Variants in PRKAR1B observed in about 807,000 individuals in gnomAD.
PRKAR1B encodes cAMP-dependent protein kinase type I-beta regulatory subunit.
Under a neutral mutation model 46.5 loss-of-function variants are expected in PRKAR1B, and 22 were observed. The observed-to-expected ratio is 0.47, with a 90% confidence interval of 0.34 to 0.68. The LOEUF is 0.68. Among genes scored for constraint, PRKAR1B ranks in the 30% least tolerant of loss-of-function variants. The pLI, the probability that PRKAR1B is intolerant of heterozygous loss-of-function variation, is 0.01. For missense variants in PRKAR1B, 445 were observed against 535.6 expected, an observed-to-expected ratio of 0.83 and a Z score of 1.67; for synonymous variants, 259 against 217.7, an observed-to-expected ratio of 1.19 and a Z score of -1.67.
chr7:556,694 T>C (rs1778464113), intron 9 of PRKAR1B, among the ~76,000 whole-genome samples: 1 of 152,310 alleles, frequency 6.6e-6, no homozygotes, highest in East Asian at 1.9e-4. Flanking sequence ...GTTTGGTGCC[T>C]GTGGATCGGG....
At chr7:634,405 C>G (rs888527524) in intron 4 of PRKAR1B, among the ~76,000 whole-genome samples, 5 of 152,092 alleles carry the variant, frequency 3.3e-5, no homozygotes, top group African/African-American at 1.2e-4. Context: ...TTGAGCCCAG[C>G]AGGTTGGGGA....
At chr7:584,479 C>T (rs1429964219) in intron 8 of PRKAR1B, 29 bp downstream of exon 8, 1 of 1,609,154 alleles carries the variant, frequency 6.2e-7, no homozygotes, top group East Asian at 2.2e-5. Context: ...TGTCGGGACA[C>T]ACAGCCGTGC....
rs1781724181 is a variant in PRKAR1B at position 602,913 on chromosome 7, G to C, written c.549+3280C>G. Among the ~76,000 whole-genome samples, 1 of 152,176 alleles carries C rather than the reference G, an allele frequency of 6.6e-6. No homozygotes were observed. Among genetic ancestry groups the C allele is most frequent in the Admixed American group, 6.5e-5 (1 of 15,280 alleles). On this transcript the variant is annotated intron_variant, in intron 6 of 10. Coordinates refer to ENST00000537384, the MANE Select transcript of PRKAR1B (RefSeq NM_001164760.2). The surrounding 1 kb of genome is among the most constrained non-coding windows in gnomAD (Gnocchi z 6.4). Reference sequence around the variant, plus strand: ...GCAAAGAACACAGCCTGGGTCCTCTGAGTCCCGAGTCCACGCGATCCTGAC... The same window carrying C: ...GCAAAGAACACAGCCTGGGTCCTCTCAGTCCCGAGTCCACGCGATCCTGAC...
chr7:659,335 A>G (rs1583371710), intron 4 of PRKAR1B, among the ~76,000 whole-genome samples: 1 of 152,200 alleles, frequency 6.6e-6, no homozygotes, highest in East Asian at 1.9e-4. Context: ...GGCCTGAAGG[A>G]GATGCTCACT....
intron 5 of PRKAR1B, among the ~76,000 whole-genome samples, chr7:606,711 G>A (rs956813407): frequency 6.6e-6 from 1 of 151,998 alleles, no homozygotes; most frequent in Admixed American, 6.6e-5. Context: ...GCCTCCCAAA[G>A]TGCTGGGATT....
intron 1 of PRKAR1B, 66 bp from the exon 2 acceptor site, chr7:711,593 A>AGGC: frequency 4.2e-6 from 6 of 1,415,830 alleles, no homozygotes; most frequent in South Asian, 3.8e-5. Context: ...GGATAAACGC[A>AGGC]GGCGGCGTGA....
intron 6 of PRKAR1B, among the ~76,000 whole-genome samples, chr7:605,609 G>A (rs1211610017): frequency 6.6e-6 from 1 of 152,182 alleles, no homozygotes; most frequent in Admixed American, 6.5e-5. Context: ...GGTCTCCAGC[G>A]GAGGGGAAGC....
intron 5 of PRKAR1B, among the ~76,000 whole-genome samples, chr7:606,514 C>T (rs576791232): frequency 3.3e-5 from 5 of 152,120 alleles, no homozygotes; most frequent in South Asian, 2.1e-4. Flanking sequence ...GTCAGGCTCT[C>T]GGCTCACTGC....
intron 4 of PRKAR1B, among the ~76,000 whole-genome samples, chr7:613,241 G>GT (rs200434662): frequency 0.17 from 23,579 of 136,736 alleles, 2,573 homozygotes; most frequent in African/African-American, 0.32. Flanking sequence ...TTTTTCTTTT[G>GT]TTTTTTTTTT....
chr7:712,322 C>G (rs1048987555), intron 1 of PRKAR1B: 4 of 150,034 alleles, frequency 2.7e-5, no homozygotes, highest in African/African-American at 7.3e-5. Flanking sequence ...GCCCCACTCC[C>G]GGCGGGGCCG....
intron 4 of PRKAR1B, among the ~76,000 whole-genome samples, chr7:639,759 G>A (rs1371801758): frequency 2.0e-5 from 3 of 152,116 alleles, no homozygotes; most frequent in Non-Finnish European, 2.9e-5. Flanking sequence ...GGAGGCTGAG[G>A]CAGAGAACTG....
intron 4 of PRKAR1B, among the ~76,000 whole-genome samples, chr7:627,644 T>C (rs9690447): frequency 0.76 from 114,811 of 152,042 alleles, 43,848 homozygotes; most frequent in South Asian, 0.9. Flanking sequence ...CACTTCCAAT[T>C]GTCCCTTCCT....
At position 588,558 on chromosome 7, in the gene PRKAR1B, G is replaced by GTGATGT. The variant is rs1562541688; in HGVS notation, c.709-3991_709-3990insACATCA. 4.4e-5 allele frequency among the ~76,000 whole-genome samples: 6 copies of GTGATGT among 135,094 alleles called. 1 individual carries two copies. Among genetic ancestry groups the GTGATGT allele is most frequent in the Admixed American group, 1.4e-4 (2 of 13,920 alleles). The allele number at this position is 135,094 out of a possible 152,430, so 88.6% of individuals were successfully genotyped here. A position where few individuals can be genotyped will look rare whatever the true frequency, so the allele number is the denominator to read the frequency against. On this transcript the variant is annotated intron_variant, in intron 7 of 10. Coordinates refer to ENST00000537384, the MANE Select transcript of PRKAR1B (RefSeq NM_001164760.2). ...GGTGATGGTGGTGACGGTGGTGATG[G>GTGATGT]TGGTGATGTTGGTGAGGATAGTGAC...
chr7:594,857 C>T (rs1001871233), intron 7 of PRKAR1B, among the ~76,000 whole-genome samples: 14 of 152,042 alleles, frequency 9.2e-5, no homozygotes, highest in African/African-American at 3.1e-4. Context: ...CAGATCATGA[C>T]GAGACCACCC....
In PRKAR1B at chr7:550,295, G is replaced by T; in HGVS notation, c.*135C>A. 1.5e-6 allele frequency: 1 copy of T among 679,982 alleles called. No individual in the cohort carries two copies. The highest frequency in any genetic ancestry group is 1.9e-5 in the South Asian group (1 of 53,044). The allele number at this position is 679,982 out of a possible 1,614,324, so 42.1% of individuals were successfully genotyped here. A position where few individuals can be genotyped will look rare whatever the true frequency, so the allele number is the denominator to read the frequency against. On this transcript the variant is annotated 3_prime_UTR_variant, in exon 11 of 11. Transcript: ENST00000537384. ...TATTCCAAAAAGTGAGTCCGGGGAA[G>T]GGGCAGTCCTCACGCTGCCGGGACC...
At chr7:687,941 C>T (rs2128513230) in intron 2 of PRKAR1B, among the ~76,000 whole-genome samples, 1 of 149,828 alleles carries the variant, frequency 6.7e-6, no homozygotes, top group Non-Finnish European at 1.5e-5. Flanking sequence ...ACCAAAAATA[C>T]AAAAATTAGC....
At chr7:626,710 T>C (rs547242206) in intron 4 of PRKAR1B, among the ~76,000 whole-genome samples, 1 of 151,490 alleles carries the variant, frequency 6.6e-6, no homozygotes, top group East Asian at 1.9e-4. Flanking sequence ...AAAGGAAAGA[T>C]AAAGTGAACT....
intron 4 of PRKAR1B, among the ~76,000 whole-genome samples, chr7:611,806 GTGGAT>G (rs202231393): frequency 0.069 from 9,928 of 144,484 alleles, 359 homozygotes; most frequent in Middle Eastern, 0.11. Flanking sequence ...GGACAGGCGG[GTGGAT>G]TGAACAGGTG....
Position 680,602 on chromosome 7 carries a change from C to T in PRKAR1B, c.302G>A (p.Ser101Asn). ...VKARRRRGGV[S>N]AEVYTEEDAV... ...GTCCTCCTCGGTGTACACCTCGGCACTCACGCCTCCTCGCCGGCGGCGGGC... is the reference window on the plus strand; with the variant it reads ...GTCCTCCTCGGTGTACACCTCGGCATTCACGCCTCCTCGCCGGCGGCGGGC... Residue 101 changes from serine (S) to asparagine (N), a missense_variant, in exon 3 of 11, where the codon AGT becomes AAT. Ser to Asn is a conservative substitution (Grantham distance 46, BLOSUM62 1). This residue lies in a region of PRKAR1B where 94 missense variants were observed against 126.9 expected (regional missense o/e 0.74). Coordinates refer to ENST00000537384, the MANE Select transcript of PRKAR1B (RefSeq NM_001164760.2). 6.2e-7 allele frequency: 1 copy of T among 1,613,116 alleles called. No individual in the cohort carries two copies. Among genetic ancestry groups the T allele is most frequent in the Non-Finnish European group, 8.5e-7 (1 of 1,179,864 alleles).
Sources: allele counts gnomAD v4.1 joint callset (sites outside exome capture counted in the v4.1 genomes callset), GRCh38; gene constraint gnomAD v4.1.1; regional missense constraint gnomAD v4.1.1; non-coding constraint Gnocchi (gnomAD v3.1); transcripts MANE v1.5; gene names NCBI Gene and HGNC (gene_info 2026-07-23, HGNC 2026-07-21).